Variants in PDXDC1 observed in about 807,000 individuals in gnomAD.
PDXDC1 encodes the protein pyridoxal-dependent decarboxylase domain-containing protein 1.
Under a neutral mutation model 100.1 loss-of-function variants are expected in PDXDC1, and 42 were observed. The ratio of observed to expected loss-of-function variants is 0.42; its 90% CI spans 0.33 to 0.54. The LOEUF (loss-of-function observed/expected upper bound fraction) is 0.54. PDXDC1 is among the 20% of genes least tolerant of loss of function. PDXDC1 has a pLI of 0.10. For missense variants in PDXDC1, 636 were observed against 979.2 expected (o/e 0.65, Z 4.68); for synonymous variants, 260 against 371.7 (o/e 0.70, Z 3.46).
At chr16:15,044,967 A>G (rs1034065984) in intron 16 of PDXDC1, 2 of 152,252 alleles carry the variant, frequency 1.3e-5, no homozygotes, top group African/African-American at 4.8e-5. Context: ...CTAAAATACA[A>G]AAAAAAATTA....
downstream of PDXDC1, chr16:15,040,961 C>A: frequency 2.5e-6 from 2 of 800,770 alleles, no homozygotes; most frequent in Non-Finnish European, 2.2e-6. Context: ...GGATCTGAAC[C>A]CAAAGCTGTC....
At chr16:15,092,053 C>A (rs2046152615) in intron 16 of PDXDC1, among the ~76,000 whole-genome samples, 1 of 152,092 alleles carries the variant, frequency 6.6e-6, no homozygotes. Flanking sequence ...GTGGTGTGTG[C>A]CTGTAACCCC....
At chr16:15,055,090 G>A (rs2044451426) in intron 16 of PDXDC1, among the ~76,000 whole-genome samples, 1 of 152,084 alleles carries the variant, frequency 6.6e-6, no homozygotes, top group Non-Finnish European at 1.5e-5. Flanking sequence ...CAGATATTAG[G>A]GGCTCGATAT....
chr16:15,034,215 T>C lies in PDXDC1; in HGVS notation c.1813-71T>C. The C allele has an allele frequency of 3.1e-5, 41 of 1,319,174 alleles. No individual in the cohort carries two copies. In the South Asian group the frequency reaches 4.8e-4, roughly 15 times the overall value. 81.7% of individuals were successfully genotyped at this position (1,319,174 alleles called of 1,614,324 possible). A position where few individuals can be genotyped will look rare whatever the true frequency, so the allele number is the denominator to read the frequency against. ...TGCTTTTGAAAAATTCCCTCAGTGC[T>C]GTGTTACTAGCTCTTCTGGGCCCCA... is the stretch of plus-strand genomic sequence containing the variant. On this transcript the variant is annotated intron_variant, in intron 19 of 22. Coordinates refer to ENST00000396410, the MANE Select transcript of PDXDC1 (RefSeq NM_015027.4).
chr16:15,127,927 A>C (rs1693359405), intron 16 of PDXDC1: 5 of 1,390,196 alleles, frequency 3.6e-6, no homozygotes, highest in East Asian at 4.8e-5. Context: ...GCACTGCAGG[A>C]GGCCACGGGG....
intron 15 of PDXDC1, 27 bp downstream of exon 15, chr16:15,028,993 C>A: frequency 6.2e-7 from 1 of 1,605,168 alleles, no homozygotes; most frequent in Non-Finnish European, 8.5e-7. Context: ...CCCCCCTTTC[C>A]TTTCAGGTCC....
At chr16:15,013,984 A>T (rs1476011156) in intron 8 of PDXDC1, among the ~76,000 whole-genome samples, 3 of 152,270 alleles carry the variant, frequency 2.0e-5, no homozygotes, top group African/African-American at 7.2e-5. Context: ...AGGCGGGAAG[A>T]TCACCTGAGG....
In PDXDC1 at chr16:15,076,576, C is replaced by T. The variant is rs547477317; in HGVS notation, c.1399+46520C>T. The T allele has an allele frequency of 5.3e-5, 86 of 1,611,470 alleles. No homozygotes were observed. In the East Asian group the frequency reaches 8.9e-4, roughly 17 times the overall value. ...TGCTAACCATATTAAACAATCCTTC[C>T]GTGGAATCTGTCCCACCACAAGTTT... On this transcript the variant is annotated intron_variant, in intron 16 of 16. Transcript: ENST00000535621.
chr16:15,101,196 T>C (rs1474658488), intron 16 of PDXDC1, among the ~76,000 whole-genome samples: 1 of 152,216 alleles, frequency 6.6e-6, no homozygotes, highest in Non-Finnish European at 1.5e-5. Flanking sequence ...TCTCCGTAAA[T>C]GACAGTATTT....
chr16:15,142,239 C>T (rs2048487050), downstream of PDXDC1, among the ~76,000 whole-genome samples: 1 of 152,138 alleles, frequency 6.6e-6, no homozygotes, highest in Non-Finnish European at 1.5e-5. Flanking sequence ...CCCCAGAGCC[C>T]CCCCGCTCCC....
At chr16:15,131,568 G>A (rs1221657188) in intron 16 of PDXDC1, 34 of 1,608,628 alleles carry the variant, frequency 2.1e-5, no homozygotes, top group Admixed American at 1.8e-4. Flanking sequence ...CGTTGAGCAC[G>A]CGGGAGCGCG....
chr16:15,127,542 G>A (rs2047805568), intron 16 of PDXDC1: 2 of 1,360,750 alleles, frequency 1.5e-6, no homozygotes, highest in Admixed American at 1.9e-5. Context: ...TGGACACCAG[G>A]CCAACAGCGA....
chr16:15,019,976 G>A (rs553349990), intron 12 of PDXDC1, among the ~76,000 whole-genome samples: 327 of 152,234 alleles, frequency 2.1e-3, no homozygotes, highest in Non-Finnish European at 3.5e-3. Context: ...GCTGGGCGTG[G>A]TGGCGGGCGC....
Position 15,130,410 on chromosome 16 carries a change from T to C in PDXDC1, c.1400-8469T>C, listed in dbSNP as rs768675974. ...CACCTCCAGCGCCGACAGGCGGAAGTGGCTGGAGAGGTTCAGACGGTAACT... is the reference window on the plus strand; with the variant it reads ...CACCTCCAGCGCCGACAGGCGGAAGCGGCTGGAGAGGTTCAGACGGTAACT... On this transcript the variant is annotated intron_variant, in intron 16 of 16. Transcript: ENST00000535621. 3.2e-6 allele frequency: 5 copies of C among 1,561,906 alleles called. No homozygotes were observed. The South Asian group carries it at 5.6e-5, about 18-fold the overall frequency.
chr16:15,141,516 G>A (rs2048475238), downstream of PDXDC1, among the ~76,000 whole-genome samples: 1 of 152,206 alleles, frequency 6.6e-6, no homozygotes, highest in African/African-American at 2.4e-5. Flanking sequence ...GGGGCTGTGG[G>A]ACACTCAGAG....
intron 16 of PDXDC1, among the ~76,000 whole-genome samples, chr16:15,092,023 A>T (rs1228339333): frequency 8.0e-5 from 12 of 149,854 alleles, no homozygotes; most frequent in Admixed American, 2.0e-4. Context: ...CTAAAAAAAT[A>T]AAAAAATTAG....
At chr16:15,063,715 A>G (rs1442600661) in intron 16 of PDXDC1, among the ~76,000 whole-genome samples, 1 of 150,990 alleles carries the variant, frequency 6.6e-6, no homozygotes, top group East Asian at 1.9e-4. Flanking sequence ...AAAAAAAAAA[A>G]AAAAAAAGAA....
At chr16:14,985,350 C>G (rs1332506481) in intron 1 of PDXDC1, among the ~76,000 whole-genome samples, 6 of 143,088 alleles carry the variant, frequency 4.2e-5, no homozygotes, top group Admixed American at 1.5e-4. Context: ...TGCAGTGGCA[C>G]AATCTCGGCT....
intron 16 of PDXDC1, among the ~76,000 whole-genome samples, chr16:15,109,810 C>T (rs1333378634): frequency 6.5e-5 from 9 of 138,364 alleles, no homozygotes; most frequent in Admixed American, 1.5e-4. Flanking sequence ...GATTGCACCA[C>T]AGCACTCCAG....
Sources: allele counts gnomAD v4.1 joint callset (sites outside exome capture counted in the v4.1 genomes callset), GRCh38; gene constraint gnomAD v4.1.1; transcripts MANE v1.5; gene names NCBI Gene and HGNC (gene_info 2026-07-23, HGNC 2026-07-21).